Variants in CHN2 observed in about 807,000 individuals in gnomAD.
CHN2 encodes the protein beta-chimaerin.
CHN2 carries 35 observed loss-of-function variants against 56.3 expected under a neutral mutation model. The ratio of observed to expected loss-of-function variants is 0.62; its 90% CI spans 0.47 to 0.82. CHN2 has a LOEUF of 0.82. CHN2 is among the 40% of genes least tolerant of loss of function. The pLI, the probability that CHN2 is intolerant of heterozygous loss-of-function variation, is 0.00. For missense variants in CHN2, 491 were observed against 580.5 expected, an observed-to-expected ratio of 0.85 and a Z score of 1.58; for synonymous variants, 210 against 212.8, an observed-to-expected ratio of 0.99 and a Z score of 0.12.
At chr7:29,246,181 C>T (rs1056933952) in intron 1 of CHN2, among the ~76,000 whole-genome samples, 47 of 152,248 alleles carry the variant, frequency 3.1e-4, no homozygotes, top group African/African-American at 1.1e-3. Context: ...GCTGTGGCAA[C>T]ACCCATGATG....
intron 6 of CHN2, chr7:29,479,751 CCT>C: frequency 8.7e-7 from 1 of 1,146,028 alleles, no homozygotes; most frequent in Non-Finnish European, 1.1e-6. Context: ...GGAGGAGAGA[CCT>C]CTCCTTTGCA....
intron 6 of CHN2, among the ~76,000 whole-genome samples, chr7:29,448,416 C>A (rs1299097342): frequency 6.6e-6 from 1 of 152,136 alleles, no homozygotes; most frequent in South Asian, 2.1e-4. Flanking sequence ...AAACACACAG[C>A]AGCTTTCTCC....
chr7:29,178,141 A>G lies in CHN2; in HGVS notation c.274+31181A>G, dbSNP rs199515919. On this transcript the variant is annotated intron_variant, in intron 2 of 6. Coordinates refer to the CHN2 transcript ENST00000439384. ...TCCACTGCTACTATCCTCTGTCCAC[A>G]CCATCAGCCTTTCTTTGAAACCACT... is the stretch of plus-strand genomic sequence containing the variant. 6.6e-5 allele frequency among the ~76,000 whole-genome samples: 10 copies of G among 152,190 alleles called. No individual in the cohort carries two copies. In the East Asian group the frequency reaches 1.9e-3, roughly 29 times the overall value.
chr7:29,496,091 T>C (rs1001533196), intron 8 of CHN2, 55 bp downstream of exon 8: 6 of 1,435,938 alleles, frequency 4.2e-6, no homozygotes, highest in South Asian at 1.2e-5. Flanking sequence ...TGTGCTGAGC[T>C]GGAGGATGTC....
intron 1 of CHN2, among the ~76,000 whole-genome samples, chr7:29,317,419 G>A (rs556843466): frequency 5.1e-4 from 78 of 152,248 alleles, no homozygotes; most frequent in Non-Finnish European, 9.3e-4. Flanking sequence ...CCAGATCCTC[G>A]ATGTGCAAAG....
At chr7:29,415,804 A>G (rs188448805) in intron 6 of CHN2, among the ~76,000 whole-genome samples, 15 of 152,336 alleles carry the variant, frequency 9.8e-5, no homozygotes, top group East Asian at 1.9e-4. Context: ...TGGGACATCA[A>G]TGCAGTAACA....
At chr7:29,276,778 G>T (rs1207471204) in intron 1 of CHN2, among the ~76,000 whole-genome samples, 1 of 152,162 alleles carries the variant, frequency 6.6e-6, no homozygotes, top group East Asian at 1.9e-4. Flanking sequence ...AGCTATTTTA[G>T]ATCATTATAT....
Position 29,309,172 on chromosome 7 carries a change from C to CT in CHN2, c.50-45444dup, listed in dbSNP as rs144525276. 8.1e-4 allele frequency among the ~76,000 whole-genome samples: 122 copies of CT among 151,378 alleles called. 1 individual carries two copies. The highest frequency in any genetic ancestry group is 3.4e-3 in the Admixed American group (52 of 15,168). On this transcript the variant is annotated intron_variant, in intron 1 of 12. Coordinates refer to ENST00000222792, the MANE Select transcript of CHN2 (RefSeq NM_004067.4). ...ATAAATTTCAAGAAGCAGCCAAAAG[C>CT]TTTTTTTTTGTTTTTGTTTTTGTTT...
chr7:29,206,190 C>G (rs996618605), intron 1 of CHN2, among the ~76,000 whole-genome samples: 1 of 152,124 alleles, frequency 6.6e-6, no homozygotes, highest in African/African-American at 2.4e-5. Context: ...GCAACTGTAG[C>G]CCCTTCCCTC....
chr7:29,294,944 G>A (rs17157724), intron 1 of CHN2, among the ~76,000 whole-genome samples: 11,582 of 152,196 alleles, frequency 0.076, 751 homozygotes, highest in African/African-American at 0.18. Context: ...GAACAAGCAA[G>A]CCACAGGGCA....
At chr7:29,175,291 C>T (rs1797155365) in intron 2 of CHN2, among the ~76,000 whole-genome samples, 1 of 151,998 alleles carries the variant, frequency 6.6e-6, no homozygotes, top group African/African-American at 2.4e-5. Flanking sequence ...TCTCCTGCCT[C>T]AGCCCCCTCA....
intron 1 of CHN2, among the ~76,000 whole-genome samples, chr7:29,345,688 G>C (rs569881845): frequency 3.8e-4 from 58 of 152,254 alleles, no homozygotes; most frequent in African/African-American, 1.3e-3. Flanking sequence ...TATTGTGCCC[G>C]AGGACTGGCT....
chr7:29,497,028 C>A (rs58881910), intron 8 of CHN2, among the ~76,000 whole-genome samples: 22,267 of 152,094 alleles, frequency 0.15, 2,946 homozygotes, highest in African/African-American at 0.35. Context: ...TCCCGTAAAC[C>A]CTAAGTCCTC....
At chr7:29,377,594 T>C (rs1800169547) in intron 3 of CHN2, among the ~76,000 whole-genome samples, 2 of 152,240 alleles carry the variant, frequency 1.3e-5, no homozygotes, top group South Asian at 4.1e-4. Flanking sequence ...TGAGCATTTC[T>C]CAATTCAGGA....
At chr7:29,172,616 T>C (rs1421369785) in intron 2 of CHN2, among the ~76,000 whole-genome samples, 1 of 152,212 alleles carries the variant, frequency 6.6e-6, no homozygotes, top group African/African-American at 2.4e-5. Flanking sequence ...TAAGAAAAGC[T>C]TAGTAAAGTC....
intron 4 of CHN2, among the ~76,000 whole-genome samples, chr7:29,395,866 T>A (rs1438366342): frequency 6.6e-6 from 1 of 152,212 alleles, no homozygotes; most frequent in Non-Finnish European, 1.5e-5. Flanking sequence ...AACTTGCCAA[T>A]TCAAGTGAAT....
Position 29,492,875 on chromosome 7 carries a change from C to T in CHN2, c.655-3077C>T, listed in dbSNP as rs73084434. Among the ~76,000 whole-genome samples, 223 of 152,288 alleles carry T rather than the reference C, an allele frequency of 1.5e-3. 2 individuals are homozygous for T. Among genetic ancestry groups the T allele is most frequent in the Middle Eastern group, 3.4e-3 (1 of 294 alleles). ...TCTTATCAGCATTCAACATAATTGACCATTCATTCCCTAAAACATTCTTCA... is the reference window on the plus strand; with the variant it reads ...TCTTATCAGCATTCAACATAATTGATCATTCATTCCCTAAAACATTCTTCA... On this transcript the variant is annotated intron_variant, in intron 7 of 12. Transcript: ENST00000222792.
intron 1 of CHN2, among the ~76,000 whole-genome samples, chr7:29,284,898 C>T (rs754446543): frequency 1.3e-5 from 2 of 152,228 alleles, no homozygotes; most frequent in Non-Finnish European, 2.9e-5. Flanking sequence ...CTCCCTTCTC[C>T]AGGCAGCCTC....
Position 29,504,720 on chromosome 7 carries a change from A to AGT in CHN2, c.914-23_914-22dup. 7 of 1,317,206 alleles carry AGT rather than the reference A, an allele frequency of 5.3e-6. No homozygotes were observed. The African/African-American group carries it at 1.1e-4, about 22-fold the overall frequency. 81.6% of individuals were successfully genotyped at this position (1,317,206 alleles called of 1,614,324 possible). A position where few individuals can be genotyped will look rare whatever the true frequency, so the allele number is the denominator to read the frequency against. ...TTAGATGTTTCAAGAAGCTAAAGTC[A>AGT]GTCTCTCTCTCTCTCTCTAACAGGA... is the stretch of plus-strand genomic sequence containing the variant. On this transcript the variant is annotated intron_variant, in intron 9 of 12. Coordinates refer to ENST00000222792, the MANE Select transcript of CHN2 (RefSeq NM_004067.4).
Sources: gnomAD v4.1 joint callset for allele counts (sites outside exome capture counted in the v4.1 genomes callset) on GRCh38, gnomAD v4.1.1 for gene constraint, MANE v1.5 for transcripts, NCBI Gene and HGNC (gene_info 2026-07-23, HGNC 2026-07-21) for gene names.